EPB41: variants seen among roughly 807,000 people sequenced by gnomAD.
EPB41 encodes the protein protein 4.1.
In EPB41, 65 loss-of-function variants were observed where a neutral mutation model predicts 108.0. That is an observed-to-expected ratio of 0.60 (90% CI 0.49 to 0.74). The LOEUF (loss-of-function observed/expected upper bound fraction) is 0.74. Ranked by LOEUF, EPB41 falls within the 30% of genes least tolerant of loss-of-function variation. The probability of loss-of-function intolerance (pLI) is 0.00; values close to 1 mark genes in which losing one functional copy is unlikely to be tolerated. For missense variants in EPB41, 875 were observed against 1,037.0 expected (o/e 0.84, Z 2.15); for synonymous variants, 336 against 358.9 (o/e 0.94, Z 0.72).
intron 16 of EPB41, chr1:29,096,733 T>TA: frequency 3.2e-6 from 1 of 310,394 alleles, no homozygotes; most frequent in Non-Finnish European, 4.7e-6. Flanking sequence ...AATCACAGAC[T>TA]AAAAGCCTTT....
At position 29,010,860 on chromosome 1, in the gene EPB41, C is replaced by G. The variant is rs142493047; in HGVS notation, c.787-1005C>G. Among the ~76,000 whole-genome samples the G allele has an allele frequency of 3.9e-4, 59 of 152,260 alleles. 1 individual carries two copies. The highest frequency in any genetic ancestry group is 1.4e-3 in the African/African-American group (58 of 41,546). On this transcript the variant is annotated intron_variant, in intron 4 of 20. Transcript: ENST00000343067. ...AGGCATAGTGGCTCATGCCTATAAT[C>G]CCAGCACTTTGGGAGGCCGAGCCGG...
chr1:28,890,540 G>T (rs1451051922), intron 1 of EPB41, among the ~76,000 whole-genome samples: 3 of 152,152 alleles, frequency 2.0e-5, no homozygotes, highest in Non-Finnish European at 4.4e-5. Flanking sequence ...CTCACTCCAC[G>T]TGAGGGGATA....
At chr1:29,116,505 CAAG>C (rs1319538034) in intron 20 of EPB41, among the ~76,000 whole-genome samples, 4 of 152,044 alleles carry the variant, frequency 2.6e-5, no homozygotes, top group African/African-American at 7.2e-5. Context: ...GAGAAAAAAC[CAAG>C]AAGAGCAGGA....
intron 1 of EPB41, among the ~76,000 whole-genome samples, chr1:28,916,321 C>T (rs1055329777): frequency 5.9e-5 from 9 of 152,162 alleles, no homozygotes; most frequent in Non-Finnish European, 1.5e-5. Flanking sequence ...GAAACAAGTA[C>T]AGTATATCTT....
chr1:28,935,438 A>AACAC (rs375817878), intron 1 of EPB41, among the ~76,000 whole-genome samples: 8 of 52,112 alleles, frequency 1.5e-4, no homozygotes, highest in South Asian at 1.7e-3. Flanking sequence ...CCTGTCTCAA[A>AACAC]ACACACACAC....
chr1:29,046,312 A>G (rs1643205055), intron 11 of EPB41, among the ~76,000 whole-genome samples: 1 of 151,944 alleles, frequency 6.6e-6, no homozygotes, highest in African/African-American at 2.4e-5. Flanking sequence ...TATTTTTAGT[A>G]GAGACGAGGT....
chr1:29,086,841 C>A (rs774457669), intron 16 of EPB41, among the ~76,000 whole-genome samples: 68 of 151,300 alleles, frequency 4.5e-4, no homozygotes, highest in Non-Finnish European at 8.4e-4. Flanking sequence ...GGTACTCATA[C>A]ATGGCTCTTA....
intron 16 of EPB41, among the ~76,000 whole-genome samples, chr1:29,089,054 T>C (rs1364692686): frequency 6.6e-6 from 1 of 152,182 alleles, no homozygotes; most frequent in African/African-American, 2.4e-5. Context: ...CAGAGATAGA[T>C]CTGAGTCTAA....
chr1:28,959,249 G>T (rs931223700), intron 1 of EPB41, among the ~76,000 whole-genome samples: 1 of 129,380 alleles, frequency 7.7e-6, no homozygotes, highest in Admixed American at 9.7e-5. Flanking sequence ...ACGGAGTCTC[G>T]CTCTGTTGCC....
chr1:29,112,611 G>A (rs1248711809), intron 19 of EPB41, among the ~76,000 whole-genome samples, 163 bp downstream of exon 19: 2 of 152,196 alleles, frequency 1.3e-5, no homozygotes, highest in Non-Finnish European at 2.9e-5. Context: ...AGGCCTGTGG[G>A]ATGGAGGCCA....
chr1:29,083,190 C>G (rs1158721188), intron 16 of EPB41, among the ~76,000 whole-genome samples: 2 of 148,722 alleles, frequency 1.3e-5, no homozygotes, highest in African/African-American at 4.9e-5. Context: ...AAAAAAAAGG[C>G]GAGAGAGGGT....
chr1:29,104,388 G>T (rs918022540), intron 17 of EPB41, among the ~76,000 whole-genome samples: 6 of 152,106 alleles, frequency 3.9e-5, no homozygotes, highest in African/African-American at 1.4e-4. Context: ...TTTTATGTGT[G>T]TATATGGGTG....
At chr1:28,994,199 T>A (rs2096100760) in intron 3 of EPB41, among the ~76,000 whole-genome samples, 1 of 151,914 alleles carries the variant, frequency 6.6e-6, no homozygotes, top group South Asian at 2.1e-4. Context: ...TGAGACAGAG[T>A]CTCTCTCTGT....
At chr1:29,049,490 C>T (rs1463741609) in intron 11 of EPB41, among the ~76,000 whole-genome samples, 1 of 152,140 alleles carries the variant, frequency 6.6e-6, no homozygotes, top group East Asian at 1.9e-4. Flanking sequence ...TTGGATAGCT[C>T]ATCTCACTAG....
At chr1:28,945,237 T>C (rs2094451379) in intron 1 of EPB41, among the ~76,000 whole-genome samples, 2 of 152,190 alleles carry the variant, frequency 1.3e-5, no homozygotes, top group African/African-American at 4.8e-5. Flanking sequence ...GTGAAGTCTC[T>C]GTTGTTACTT....
intron 16 of EPB41, among the ~76,000 whole-genome samples, chr1:29,080,924 GATTCTGGTTGCTACTAAT>G (rs1430060174): frequency 1.3e-5 from 2 of 152,150 alleles, no homozygotes. Flanking sequence ...TTGCAAATGT[GATTCTGGTTGCTACTAAT>G]CATTAAGGAA....
intron 1 of EPB41, among the ~76,000 whole-genome samples, chr1:28,982,048 C>T (rs1481379286): frequency 6.6e-6 from 1 of 150,608 alleles, no homozygotes; most frequent in Non-Finnish European, 1.5e-5. Flanking sequence ...CTCCCCCCTT[C>T]CCCACCCCAC....
At chr1:29,015,587 A>G (rs2096567881) in intron 5 of EPB41, 105 bp from the exon 6 acceptor site, 4 of 814,758 alleles carry the variant, frequency 4.9e-6, no homozygotes, top group East Asian at 2.7e-5. Flanking sequence ...AGAAAAAAAA[A>G]AAAGAAAGAA....
chr1:29,044,158 A>G (rs1408846049), intron 11 of EPB41, among the ~76,000 whole-genome samples: 1 of 152,168 alleles, frequency 6.6e-6, no homozygotes, highest in African/African-American at 2.4e-5. Context: ...AGTTTACCTT[A>G]TGTGTGGGGA....
Sources: gnomAD v4.1 joint callset for allele counts (sites outside exome capture counted in the v4.1 genomes callset) on GRCh38, gnomAD v4.1.1 for gene constraint, MANE v1.5 for transcripts, NCBI Gene and HGNC (gene_info 2026-07-23, HGNC 2026-07-21) for gene names.